USP28: variants seen among roughly 807,000 people sequenced by gnomAD.
USP28 encodes ubiquitin specific peptidase 28.
Under a neutral mutation model 145.0 loss-of-function variants are expected in USP28, and 113 were observed. The ratio of observed to expected loss-of-function variants is 0.78; its 90% confidence interval spans 0.67 to 0.91. USP28 has a LOEUF of 0.91. Ranked by LOEUF, USP28 falls within the 40% of genes least tolerant of loss-of-function variation. USP28 has a pLI of 0.00. For synonymous variants in USP28, 447 were observed against 450.9 expected, an observed-to-expected ratio of 0.99 and a Z score of 0.11; for missense variants, 1,201 against 1,289.6, an observed-to-expected ratio of 0.93 and a Z score of 1.05.
At chr11:113,873,117 T>G (rs45595733) in intron 1 of USP28, among the ~76,000 whole-genome samples, 3 of 152,132 alleles carry the variant, frequency 2.0e-5, no homozygotes, top group Non-Finnish European at 4.4e-5. Flanking sequence ...AAGGGAAAGG[T>G]AGAATGCCTC....
intron 1 of USP28, among the ~76,000 whole-genome samples, chr11:113,862,122 G>A (rs188380771): frequency 4.5e-4 from 69 of 152,246 alleles, no homozygotes; most frequent in Non-Finnish European, 7.9e-4. Flanking sequence ...TGAGGCGGGC[G>A]GATCACCTGA....
intron 1 of USP28, among the ~76,000 whole-genome samples, chr11:113,871,139 T>C (rs966067567): frequency 6.6e-6 from 1 of 152,194 alleles, no homozygotes; most frequent in Non-Finnish European, 1.5e-5. Flanking sequence ...TATTCCCACC[T>C]TGGCACAGTT....
chr11:113,831,828 A>G (rs973898286), intron 8 of USP28, 92 bp downstream of exon 8: 3 of 1,278,476 alleles, frequency 2.3e-6, no homozygotes, highest in Non-Finnish European at 3.3e-6. Flanking sequence ...AAAACCAGCA[A>G]TTTCTAGTTA....
chr11:113,840,953 C>T (rs73552979), intron 4 of USP28, among the ~76,000 whole-genome samples, 196 bp from the exon 5 acceptor site: 3,337 of 152,086 alleles, frequency 0.022, 110 homozygotes, highest in African/African-American at 0.075. Context: ...AATGTTAATC[C>T]CTCCATAACA....
Position 113,844,318 on chromosome 11 carries a change from G to A in USP28, c.269-2550C>T, listed in dbSNP as rs188848944. On this transcript the variant is annotated intron_variant, in intron 3 of 24. Transcript: ENST00000003302. ...TAGCCGGGCGTGGTGGCAGGTGCCT[G>A]TAATCTCCGCTACTCGGGAGGCTGG... Among the ~76,000 whole-genome samples, 187 of 152,174 alleles carry A rather than the reference G, an allele frequency of 1.2e-3. 3 individuals carry two copies. The highest frequency in any genetic ancestry group is 0.01 in the Admixed American group (160 of 15,288).
intron 1 of USP28, among the ~76,000 whole-genome samples, chr11:113,856,042 C>G (rs1947012992): frequency 6.6e-6 from 1 of 152,208 alleles, no homozygotes; most frequent in Non-Finnish European, 1.5e-5. Context: ...TGAGTCTTGT[C>G]AACTCCAGTC....
At chr11:113,860,551 T>C (rs2428024) in intron 1 of USP28, among the ~76,000 whole-genome samples, 121,233 of 152,052 alleles carry the variant, frequency 0.8, 48,555 homozygotes, top group East Asian at 0.89. Context: ...GTGGCTCATG[T>C]CTGTGATCCC....
intron 14 of USP28, among the ~76,000 whole-genome samples, chr11:113,814,386 G>A (rs1941412737): frequency 6.6e-6 from 1 of 152,100 alleles, no homozygotes; most frequent in Non-Finnish European, 1.5e-5. Flanking sequence ...GGGGGGTAAG[G>A]TTAGTCTGAG....
chr11:113,826,799 A>G (rs1215185436), intron 11 of USP28, among the ~76,000 whole-genome samples: 1 of 151,674 alleles, frequency 6.6e-6, no homozygotes, highest in Non-Finnish European at 1.5e-5. Flanking sequence ...CATGCCTGTA[A>G]TTCCAGCTAC....
Position 113,830,992 on chromosome 11 carries a change from G to T in USP28, c.834-49C>A, listed in dbSNP as rs200478574. On this transcript the variant is annotated intron_variant, in intron 8 of 24. Transcript: ENST00000003302. ...TTCTGGATTGTTTGGATTAAGATATGTGCTACATAAAATCCAAGCATCATT... is the reference window on the plus strand; with the variant it reads ...TTCTGGATTGTTTGGATTAAGATATTTGCTACATAAAATCCAAGCATCATT... 79 of 1,594,332 alleles carry T rather than the reference G, an allele frequency of 5.0e-5. 1 individual carries two copies. The East Asian group carries it at 1.8e-3, about 36-fold the overall frequency.
At chr11:113,813,927 A>G (rs112914490) in exon 15 of USP28, 2 of 1,610,906 alleles carry the variant, frequency 1.2e-6, no homozygotes, top group Non-Finnish European at 1.7e-6. Context: ...CAATAGTCTG[A>G]GTAGTACTTG....
intron 1 of USP28, among the ~76,000 whole-genome samples, chr11:113,873,171 C>A (rs1949003475): frequency 6.6e-6 from 1 of 152,122 alleles, no homozygotes; most frequent in Admixed American, 6.5e-5. Context: ...TGAAACTTAC[C>A]AAGATGAGGA....
In USP28 at chr11:113,871,672, GAA is replaced by G. The variant is rs113793288; in HGVS notation, c.57+3771_57+3772del. On this transcript the variant is annotated intron_variant, in intron 1 of 24. Coordinates refer to ENST00000003302, the Ensembl canonical transcript of USP28. ...GGGAACCTTTTCCACTGAAATAAGA[GAA>G]AAGAGATGAGATGGCGTAGGGAGAG... 8.0e-3 allele frequency among the ~76,000 whole-genome samples: 1,213 copies of G among 152,292 alleles called. 19 individuals are homozygous for G. Among genetic ancestry groups the G allele is most frequent in the African/African-American group, 0.028 (1,172 of 41,558 alleles).
intron 19 of USP28, among the ~76,000 whole-genome samples, chr11:113,805,427 TG>T (rs1206966772): frequency 6.6e-6 from 1 of 151,894 alleles, no homozygotes; most frequent in Non-Finnish European, 1.5e-5. Context: ...AGTTAATTTT[TG>T]TATTTTTGAT....
At position 113,801,597 on chromosome 11, in the gene USP28, GT is replaced by G; in HGVS notation, c.2943del (p.Glu981AspfsTer2). 1 of 1,610,918 alleles carries G rather than the reference GT, an allele frequency of 6.2e-7. No individual in the cohort carries two copies. The highest frequency in any genetic ancestry group is 8.5e-7 in the Non-Finnish European group (1 of 1,177,568). On this transcript the variant is annotated frameshift_variant, in exon 24 of 25. Coordinates refer to ENST00000003302, the Ensembl canonical transcript of USP28. LOFTEE classifies it high-confidence loss of function. ...ATAAGGTGAATGCAGGGGATGATCA[GT>G]TCATTCATCACATTAATGCCCTCAG...
At chr11:113,805,627 T>A (rs770789302) in intron 19 of USP28, among the ~76,000 whole-genome samples, 2 of 152,238 alleles carry the variant, frequency 1.3e-5, no homozygotes, top group Non-Finnish European at 2.9e-5. Flanking sequence ...TTAATTGTTA[T>A]AAAAGGCAGA....
intron 1 of USP28, among the ~76,000 whole-genome samples, chr11:113,866,266 T>C (rs1013090938): frequency 1.3e-4 from 20 of 151,962 alleles, no homozygotes; most frequent in African/African-American, 4.8e-4. Flanking sequence ...CACTCCAGCC[T>C]AGGTGACAGA....
intron 5 of USP28, among the ~76,000 whole-genome samples, chr11:113,837,470 C>T (rs1325666414): frequency 2.0e-5 from 3 of 152,204 alleles, no homozygotes; most frequent in Non-Finnish European, 2.9e-5. Flanking sequence ...GGTGTCAGTT[C>T]GCAGATTACA....
At chr11:113,808,548 GCT>G (rs548320804) in intron 17 of USP28, 111 bp from the exon 18 acceptor site, 2 of 1,168,626 alleles carry the variant, frequency 1.7e-6, no homozygotes, top group South Asian at 4.5e-5. Context: ...TGTTAACACA[GCT>G]TTTTACAAAA....
Sources: gnomAD v4.1 joint callset for allele counts (sites outside exome capture counted in the v4.1 genomes callset) on GRCh38, gnomAD v4.1.1 for gene constraint, MANE v1.5 for transcripts, NCBI Gene and HGNC (gene_info 2026-07-23, HGNC 2026-07-21) for gene names.